The following PCNX2 variants were observed in gnomAD, a reference collection of about 807,000 sequenced individuals.
PCNX2 encodes pecanex-like protein 2.
Under a neutral mutation model 223.8 loss-of-function variants are expected in PCNX2, and 168 were observed. That is an observed-to-expected ratio of 0.75 (90% CI 0.66 to 0.85). The LOEUF is 0.85. Among genes scored for constraint, PCNX2 ranks in the 40% least tolerant of loss-of-function variants. The probability of loss-of-function intolerance (pLI) is 0.00; values close to 1 mark genes in which losing one functional copy is unlikely to be tolerated. For synonymous variants in PCNX2, 1,006 were observed against 1,052.6 expected (o/e 0.96, Z 0.86); for missense variants, 2,507 against 2,675.5 (o/e 0.94, Z 1.39).
intron 25 of PCNX2, among the ~76,000 whole-genome samples, chr1:233,040,954 G>T (rs6663653): frequency 0.11 from 16,508 of 151,872 alleles, 1,192 homozygotes; most frequent in African/African-American, 0.2. Context: ...TCCTCTAATC[G>T]TTCAACTTCA....
At chr1:233,074,078 T>C (rs1308741356) in intron 23 of PCNX2, among the ~76,000 whole-genome samples, 1 of 151,696 alleles carries the variant, frequency 6.6e-6, no homozygotes. Context: ...ATTGGTTGTG[T>C]GTTTTAATTT....
chr1:233,233,424 C>CTGTGTGTGTGTGTGTGTG (rs57458756), intron 9 of PCNX2, among the ~76,000 whole-genome samples: 6 of 140,242 alleles, frequency 4.3e-5, no homozygotes, highest in African/African-American at 1.6e-4. Context: ...TCCTCTTCTC[C>CTGTGTGTGTGTGTGTGTG]TGTGTGTGTG....
chr1:233,307,743 A>G, the PCNX2 span, among the ~76,000 whole-genome samples: 7 of 152,190 alleles, frequency 4.6e-5, no homozygotes, highest in African/African-American at 7.2e-5. Context: ...TGCTATAATC[A>G]TTCCCGTTTT....
At position 232,992,397 on chromosome 1, in the gene PCNX2, T is replaced by C. The variant is rs550828167; in HGVS notation, c.5791+5854A>G. 6.6e-5 allele frequency among the ~76,000 whole-genome samples: 10 copies of C among 152,284 alleles called. No homozygotes were observed. In the East Asian group the frequency reaches 1.7e-3, roughly 26 times the overall value. On this transcript the variant is annotated intron_variant, in intron 32 of 33. Transcript: ENST00000258229. ...GGAAGATCACTTATAAGTGGAACCC[T>C]TGCCAGCCAGGGGACAGGACAAAGT...
At chr1:233,152,168 T>C (rs182023519) in intron 19 of PCNX2, among the ~76,000 whole-genome samples, 6 of 152,198 alleles carry the variant, frequency 3.9e-5, no homozygotes, top group Admixed American at 1.3e-4. Context: ...AGGAAAATAA[T>C]AGCAACAGAG....
chr1:232,999,911 T>C (rs1156496965), intron 30 of PCNX2, among the ~76,000 whole-genome samples: 1 of 152,212 alleles, frequency 6.6e-6, no homozygotes, highest in Non-Finnish European at 1.5e-5. Context: ...TTTGAAGCTA[T>C]ATGAAAAGAG....
At chr1:233,127,067 A>G (rs1337270436) in intron 21 of PCNX2, among the ~76,000 whole-genome samples, 2 of 152,166 alleles carry the variant, frequency 1.3e-5, no homozygotes, top group African/African-American at 4.8e-5. Flanking sequence ...GATGATTGCA[A>G]TAATTTCCTA....
At chr1:233,277,284 T>A (rs1660966608) in intron 1 of PCNX2, among the ~76,000 whole-genome samples, 1 of 152,214 alleles carries the variant, frequency 6.6e-6, no homozygotes, top group Non-Finnish European at 1.5e-5. Context: ...CAGTCTCCTC[T>A]CCTCTGCTCT....
chr1:233,196,315 G>A (rs1558331503), intron 15 of PCNX2, among the ~76,000 whole-genome samples: 1 of 151,586 alleles, frequency 6.6e-6, no homozygotes, highest in African/African-American at 2.4e-5. Flanking sequence ...TTAAGTAAAT[G>A]TTTTCTAGGT....
At position 232,999,341 on chromosome 1, in the gene PCNX2, C is replaced by T. The variant is rs1338328884; in HGVS notation, c.5367G>A (p.Gln1789=). The T allele has an allele frequency of 6.3e-7, 1 of 1,599,560 alleles. No individual in the cohort carries two copies. The highest frequency in any genetic ancestry group is 8.5e-7 in the Non-Finnish European group (1 of 1,173,038). ...KECVRGLWAG[Q]QQELIFLRNR... is the part of the protein sequence containing the mutation. Reference sequence around the variant, plus strand: ...TGCGAAGAAATATAAGCTCCTGCTGCTGCCCGGCCCAAAGTCCTCGGACGC... The same window carrying T: ...TGCGAAGAAATATAAGCTCCTGCTGTTGCCCGGCCCAAAGTCCTCGGACGC... The change falls in exon 31 of 34, where the codon CAG becomes CAA. Residue 1789 remains glutamine, a synonymous_variant. Coordinates refer to ENST00000258229, the MANE Select transcript of PCNX2 (RefSeq NM_014801.4).
intron 1 of PCNX2, among the ~76,000 whole-genome samples, chr1:233,287,438 G>A (rs1661510461): frequency 6.6e-6 from 1 of 152,156 alleles, no homozygotes; most frequent in African/African-American, 2.4e-5. Context: ...ATTGAGCCAT[G>A]AGGCAGGTCT....
intron 1 of PCNX2, among the ~76,000 whole-genome samples, chr1:233,284,389 T>G (rs1661342805): frequency 6.6e-6 from 1 of 152,124 alleles, no homozygotes; most frequent in African/African-American, 2.4e-5. Flanking sequence ...GCTGTTCCCC[T>G]TGCTTAAAAT....
chr1:233,072,423 G>T (rs980609651), intron 23 of PCNX2, among the ~76,000 whole-genome samples: 1 of 152,024 alleles, frequency 6.6e-6, no homozygotes, highest in Admixed American at 6.6e-5. Flanking sequence ...GCTTGTTTTT[G>T]TCAGGTTGTA....
chr1:233,095,789 CGAA>C lies in PCNX2; in HGVS notation c.3909_3911del (p.Ser1304del). 6.2e-7 allele frequency: 1 copy of C among 1,611,480 alleles called. No individual in the cohort carries two copies. Among genetic ancestry groups the C allele is most frequent in the South Asian group, 1.1e-5 (1 of 90,430 alleles). On this transcript the variant is annotated inframe_deletion, in exon 22 of 34. Transcript: ENST00000258229. ...CAAAGAGCTGAGCAAACACGTGAAA[CGAA>C]GAACCCCAAGCCATCTGCCAAGGAG... is the stretch of plus-strand genomic sequence containing the variant.
intron 21 of PCNX2, among the ~76,000 whole-genome samples, chr1:233,117,349 C>A (rs781499536): frequency 1.1e-4 from 17 of 152,116 alleles, no homozygotes; most frequent in Non-Finnish European, 1.5e-5. Context: ...CCACAACCCC[C>A]GGCCTGGCGC....
At chr1:233,326,609 A>G in the PCNX2 span, among the ~76,000 whole-genome samples, 2 of 152,244 alleles carry the variant, frequency 1.3e-5, no homozygotes, top group East Asian at 3.8e-4. Flanking sequence ...TGAGAGACAA[A>G]GAAAACTGAA....
chr1:232,999,841 A>G (rs2102794854), intron 30 of PCNX2, among the ~76,000 whole-genome samples: 1 of 152,332 alleles, frequency 6.6e-6, no homozygotes, highest in East Asian at 1.9e-4. Flanking sequence ...ATATGATGCC[A>G]TCTTCATGGG....
intron 15 of PCNX2, among the ~76,000 whole-genome samples, chr1:233,182,541 T>C (rs551635313): frequency 4.3e-4 from 66 of 152,272 alleles, no homozygotes; most frequent in African/African-American, 1.5e-3. Flanking sequence ...TCACTCAGTA[T>C]CTTTCAATGA....
intron 23 of PCNX2, among the ~76,000 whole-genome samples, chr1:233,083,578 A>G (rs192947218): frequency 6.6e-6 from 1 of 152,328 alleles, no homozygotes; most frequent in Admixed American, 6.5e-5. Flanking sequence ...ACAAACCAAC[A>G]AGGCGCTGGA....
Sources: allele counts gnomAD v4.1 joint callset (sites outside exome capture counted in the v4.1 genomes callset), GRCh38; gene constraint gnomAD v4.1.1; transcripts MANE v1.5; gene names NCBI Gene and HGNC (gene_info 2026-07-23, HGNC 2026-07-21).